Variants in MROH1 observed in about 807,000 individuals in gnomAD.
The protein encoded by MROH1 is maestro heat like repeat family member 1.
MROH1 carries 117 observed loss-of-function variants against 116.5 expected under a neutral mutation model. That is an observed-to-expected ratio of 1.00 (90% CI 0.86 to 1.17). The LOEUF (loss-of-function observed/expected upper bound fraction) is 1.17. MROH1 is among the 50% of genes most tolerant of loss of function. The pLI, the probability that MROH1 is intolerant of heterozygous loss-of-function variation, is 0.00. For missense variants in MROH1, 1,873 were observed against 1,338.5 expected (o/e 1.40, Z -6.23); for synonymous variants, 921 against 583.9 (o/e 1.58, Z -8.32).
chr8:144,261,260 C>G (rs1844997628), intron 42 of MROH1, 24 bp from the exon 43 acceptor site: 1 of 750,516 alleles, frequency 1.3e-6, no homozygotes. Flanking sequence ...CCCGGCAGCC[C>G]CGCCTGATGC....
rs1169595862 is a variant in MROH1, at chr8:144,243,858, C to T, written c.2476-5C>T. ...AGGGCTGAGTCATGCACCTGCCTCA[C>T]CCAGGAGTTCATCAGGGCAGAGCCC... On this transcript the variant is annotated splice_region_variant and splice_polypyrimidine_tract_variant and intron_variant, in intron 25 of 43. Coordinates refer to ENST00000326134, the MANE Select transcript of MROH1 (RefSeq NM_032450.3). The T allele has an allele frequency of 6.4e-6, 5 of 778,616 alleles. No individual in the cohort carries two copies. The African/African-American group carries it at 8.5e-5, about 13-fold the overall frequency. 48.2% of individuals were successfully genotyped at this position (778,616 alleles called of 1,614,324 possible). A position where few individuals can be genotyped will look rare whatever the true frequency, so the allele number is the denominator to read the frequency against.
intron 12 of MROH1, among the ~76,000 whole-genome samples, chr8:144,204,265 C>T (rs1832358387): frequency 6.6e-6 from 1 of 152,172 alleles, no homozygotes; most frequent in Non-Finnish European, 1.5e-5. Flanking sequence ...TGTGCACCAC[C>T]ACACTCTGCC....
chr8:144,233,100 GATTACAAGCAAGAGCCACAGCACCTGGCC>G (rs1263321265), intron 14 of MROH1, among the ~76,000 whole-genome samples: 2 of 151,916 alleles, frequency 1.3e-5, no homozygotes, highest in Non-Finnish European at 2.9e-5. Context: ...AAAGGGCTGG[GATTACAAGCAAGAGCCACAGCACCTGGCC>G]ATGATTGCTT....
chr8:144,194,063 A>AT (rs1308820525), intron 10 of MROH1, among the ~76,000 whole-genome samples: 2 of 146,794 alleles, frequency 1.4e-5, no homozygotes, highest in South Asian at 2.2e-4. Flanking sequence ...ACTTTTGATG[A>AT]TTTTTTCTTT....
chr8:144,241,776 G>A (rs956015014), intron 22 of MROH1, among the ~76,000 whole-genome samples: 20 of 152,336 alleles, frequency 1.3e-4, no homozygotes, highest in African/African-American at 4.3e-4. Context: ...AGGGGTTCGC[G>A]GCTGGGGCAG....
intron 11 of MROH1, among the ~76,000 whole-genome samples, chr8:144,199,877 G>T (rs1382917210): frequency 1.3e-5 from 2 of 152,198 alleles, no homozygotes. Context: ...GGGCAGGGTT[G>T]TGGTGGGCAG....
intron 14 of MROH1, among the ~76,000 whole-genome samples, chr8:144,230,570 T>C (rs1361448015): frequency 6.6e-6 from 1 of 151,980 alleles, no homozygotes; most frequent in Non-Finnish European, 1.5e-5. Context: ...ATTGAGGATT[T>C]TTACATCATT....
chr8:144,163,875 C>T lies in MROH1; in HGVS notation c.22+27C>T, dbSNP rs376431584. The T allele has an allele frequency of 1.8e-4, 286 of 1,612,122 alleles. No homozygotes were observed. Among genetic ancestry groups the T allele is most frequent in the Non-Finnish European group, 2.1e-4 (248 of 1,178,862 alleles). On this transcript the variant is annotated intron_variant, in intron 3 of 43. Coordinates refer to ENST00000326134, the MANE Select transcript of MROH1 (RefSeq NM_032450.3). This position sits in a 1 kb window ranked among gnomAD's most constrained non-coding sequence, Gnocchi z 4.4. The stretch of plus-strand genomic sequence containing the variant: ...TGAGTGCATGGGGATTGGGAGTGGC[C>T]GGGTGTGAGGCCTCTCTTGCCTCTG...
intron 13 of MROH1, among the ~76,000 whole-genome samples, chr8:144,222,889 C>CAGGTAGATCCAGGTACAGATGTGG: frequency 6.6e-6 from 1 of 151,436 alleles, no homozygotes; most frequent in Non-Finnish European, 1.5e-5. Context: ...GATGTGGGTG[C>CAGGTAGATCCAGGTACAGATGTGG]AGGTAGATCC....
intron 7 of MROH1, among the ~76,000 whole-genome samples, chr8:144,189,457 G>A (rs560359211): frequency 6.6e-5 from 10 of 152,222 alleles, no homozygotes; most frequent in South Asian, 6.2e-4. Flanking sequence ...ACCTGAGTTC[G>A]GCCCATGTCC....
At chr8:144,199,013 G>A (rs1448292357) in intron 10 of MROH1, 109 bp from the exon 11 acceptor site, 2 of 1,007,958 alleles carry the variant, frequency 2.0e-6, no homozygotes, top group Admixed American at 2.0e-5. Flanking sequence ...GGCATGGGGT[G>A]GAAACCCAGA....
At chr8:144,195,501 CAAAAAAA>C (rs1163550725) in intron 10 of MROH1, among the ~76,000 whole-genome samples, 1 of 35,330 alleles carries the variant, frequency 2.8e-5, no homozygotes, top group Admixed American at 4.6e-4. Context: ...GACTCTGTCT[CAAAAAAA>C]AAAAAAAAAA....
intron 35 of MROH1, among the ~76,000 whole-genome samples, chr8:144,257,146 C>A (rs1053141399): frequency 1.3e-5 from 2 of 152,224 alleles, no homozygotes; most frequent in Admixed American, 6.5e-5. Context: ...TGCTGGCTGT[C>A]CTGTTCCCAG....
chr8:144,195,788 G>T (rs1339667546), intron 10 of MROH1, among the ~76,000 whole-genome samples: 1 of 151,728 alleles, frequency 6.6e-6, no homozygotes, highest in East Asian at 1.9e-4. Flanking sequence ...CTGCAGCCTC[G>T]GCCTCCCAGG....
At chr8:144,200,112 G>A (rs180785357) in intron 11 of MROH1, among the ~76,000 whole-genome samples, 23 of 152,288 alleles carry the variant, frequency 1.5e-4, no homozygotes, top group Non-Finnish European at 2.5e-4. Flanking sequence ...AGTCAAGAGG[G>A]GCTACTGATG....
intron 10 of MROH1, among the ~76,000 whole-genome samples, chr8:144,198,778 CTT>C (rs1554804528): frequency 6.6e-6 from 1 of 152,188 alleles, no homozygotes; most frequent in Non-Finnish European, 1.5e-5. Flanking sequence ...TTGGGAATCT[CTT>C]TTCCTGCTGC....
chr8:144,257,611 C>T (rs1326932402), intron 35 of MROH1, among the ~76,000 whole-genome samples: 2 of 152,232 alleles, frequency 1.3e-5, no homozygotes, highest in African/African-American at 4.8e-5. Context: ...ATCCCACCTG[C>T]ATGAGGGCCT....
intron 33 of MROH1, 131 bp downstream of exon 33, chr8:144,250,497 T>A: frequency 2.9e-6 from 2 of 698,376 alleles, no homozygotes; most frequent in Non-Finnish European, 5.2e-6. Flanking sequence ...GTAGGCCACG[T>A]GGGACAGAAA....
intron 1 of MROH1, among the ~76,000 whole-genome samples, chr8:144,157,993 T>C (rs1184424941): frequency 8.1e-4 from 110 of 136,292 alleles, no homozygotes; most frequent in African/African-American, 1.6e-3. Context: ...TTCTTTCTTT[T>C]TTTTTTTTTT....
Sources: allele counts gnomAD v4.1 joint callset (sites outside exome capture counted in the v4.1 genomes callset), GRCh38; gene constraint gnomAD v4.1.1; non-coding constraint Gnocchi (gnomAD v3.1); transcripts MANE v1.5; gene names NCBI Gene and HGNC (gene_info 2026-07-23, HGNC 2026-07-21).